Variants in NRXN1 observed in about 807,000 individuals in gnomAD.
NRXN1 encodes the protein neurexin-1.
NRXN1 carries 39 observed loss-of-function variants against 150.9 expected under a neutral mutation model. That is an observed-to-expected ratio of 0.26 (90% CI 0.20 to 0.34). The LOEUF is 0.34. NRXN1 is among the 10% of genes least tolerant of loss of function. NRXN1 has a pLI of 1.00. For synonymous variants in NRXN1, 924 were observed against 757.0 expected, an observed-to-expected ratio of 1.22 and a Z score of -3.62; for missense variants, 1,815 against 1,949.9, an observed-to-expected ratio of 0.93 and a Z score of 1.30.
intron 21 of NRXN1, among the ~76,000 whole-genome samples, chr2:50,027,173 C>G (rs1048381911): frequency 1.3e-5 from 2 of 151,980 alleles, no homozygotes; most frequent in Non-Finnish European, 2.9e-5. Flanking sequence ...TGAGCCACTG[C>G]ACCTGGCCCT....
intron 17 of NRXN1, among the ~76,000 whole-genome samples, chr2:50,302,220 A>G (rs1415895213): frequency 1.3e-5 from 2 of 152,138 alleles, no homozygotes; most frequent in Admixed American, 6.6e-5. Context: ...TTCCCCAAGT[A>G]TCAAGGAATG....
chr2:50,999,555 C>A (rs1420919855), intron 2 of NRXN1, among the ~76,000 whole-genome samples: 1 of 152,000 alleles, frequency 6.6e-6, no homozygotes, highest in Non-Finnish European at 1.5e-5. Context: ...CCCAGGCACC[C>A]AGCTTTAAAA....
At chr2:50,781,423 A>T (rs1449338163) in intron 5 of NRXN1, among the ~76,000 whole-genome samples, 1 of 152,146 alleles carries the variant, frequency 6.6e-6, no homozygotes, top group African/African-American at 2.4e-5. Flanking sequence ...GCAGAAATGC[A>T]AATGACACAT....
At chr2:50,906,245 C>T (rs1249351517) in intron 5 of NRXN1, among the ~76,000 whole-genome samples, 1 of 152,080 alleles carries the variant, frequency 6.6e-6, no homozygotes, top group African/African-American at 2.4e-5. Context: ...TACTTATATC[C>T]ATGTACTAAA....
At chr2:49,925,234 C>T (rs1366711582) in intron 22 of NRXN1, among the ~76,000 whole-genome samples, 1 of 148,658 alleles carries the variant, frequency 6.7e-6, no homozygotes, top group African/African-American at 2.5e-5. Context: ...GAGCTGCGAT[C>T]GCACACTACA....
At chr2:50,574,905 C>A (rs1671167974) in intron 8 of NRXN1, among the ~76,000 whole-genome samples, 1 of 152,154 alleles carries the variant, frequency 6.6e-6, no homozygotes, top group Non-Finnish European at 1.5e-5. Flanking sequence ...TGCTCTGTAT[C>A]GTTTGAGACA....
intron 2 of NRXN1, among the ~76,000 whole-genome samples, chr2:50,952,912 GAAGA>G (rs1282067051): frequency 3.3e-5 from 5 of 152,184 alleles, no homozygotes; most frequent in African/African-American, 1.2e-4. Context: ...CAAGCTGCTA[GAAGA>G]AGTGAATCGT....
At chr2:50,440,773 T>A (rs1040730356) in intron 17 of NRXN1, among the ~76,000 whole-genome samples, 1 of 152,176 alleles carries the variant, frequency 6.6e-6, no homozygotes, top group African/African-American at 2.4e-5. Flanking sequence ...TATTTTTGAT[T>A]TATGAAAAGG....
At chr2:50,503,570 T>TA (rs70948714) in intron 13 of NRXN1, among the ~76,000 whole-genome samples, 1 of 149,548 alleles carries the variant, frequency 6.7e-6, no homozygotes, top group Non-Finnish European at 1.5e-5. Context: ...AAAGAAAAAT[T>TA]AAAAAAAAAA....
chr2:50,545,910 T>C (rs2093482451), intron 9 of NRXN1, among the ~76,000 whole-genome samples: 1 of 152,158 alleles, frequency 6.6e-6, no homozygotes, highest in Non-Finnish European at 1.5e-5. Flanking sequence ...TACTTATATC[T>C]AATACAATGT....
intron 17 of NRXN1, among the ~76,000 whole-genome samples, chr2:50,312,349 A>C (rs114286351): frequency 6.6e-6 from 1 of 152,076 alleles, no homozygotes; most frequent in Non-Finnish European, 1.5e-5. Context: ...AGGGGTTAAA[A>C]AAAGAAAACA....
rs1685504357 is a variant in NRXN1 at position 50,918,313 on chromosome 2, T to C, written c.832+3556A>G. ...CCCCCAAACAAATACATTTAAGTCA[T>C]GAAAATCGCAAATTCAAGATACAAT... On this transcript the variant is annotated intron_variant, in intron 5 of 22. Coordinates refer to ENST00000401669, the MANE Select transcript of NRXN1 (RefSeq NM_001330078.2). The C allele has an allele frequency of 1.8e-5, 4 of 218,510 alleles. No individual in the cohort carries two copies. In the East Asian group the frequency reaches 2.7e-4, roughly 15 times the overall value. 13.5% of individuals were successfully genotyped at this position (218,510 alleles called of 1,614,324 possible).
At chr2:50,928,426 C>T (rs2104363499) in intron 2 of NRXN1, among the ~76,000 whole-genome samples, 1 of 152,024 alleles carries the variant, frequency 6.6e-6, no homozygotes, top group East Asian at 2.0e-4. Context: ...TAATTTAAAA[C>T]TTGTTAACCT....
intron 2 of NRXN1, among the ~76,000 whole-genome samples, chr2:50,966,496 A>G (rs1694108822): frequency 6.6e-6 from 1 of 151,788 alleles, no homozygotes; most frequent in African/African-American, 2.4e-5. Context: ...AAAAGGTTAC[A>G]TCTCTGGAAA....
intron 19 of NRXN1, among the ~76,000 whole-genome samples, chr2:50,076,696 T>C (rs1336629042): frequency 6.6e-6 from 1 of 152,194 alleles, no homozygotes; most frequent in Non-Finnish European, 1.5e-5. Context: ...GTGTGGTATA[T>C]ATTCCTACAG....
At chr2:50,464,789 T>C (rs571946265) in intron 17 of NRXN1, among the ~76,000 whole-genome samples, 5 of 151,944 alleles carry the variant, frequency 3.3e-5, no homozygotes, top group Non-Finnish European at 4.4e-5. Flanking sequence ...CTTCATCTTA[T>C]AGATCAGTTA....
chr2:50,733,280 T>C (rs1404664332), intron 5 of NRXN1, among the ~76,000 whole-genome samples: 2 of 152,186 alleles, frequency 1.3e-5, no homozygotes, highest in Admixed American at 6.5e-5. Context: ...ATTTATTCAC[T>C]GATGAATAGA....
chr2:50,027,015 G>A (rs1247133668), intron 21 of NRXN1, among the ~76,000 whole-genome samples: 3 of 151,406 alleles, frequency 2.0e-5, no homozygotes, highest in Non-Finnish European at 2.9e-5. Context: ...CCAAGTAGCT[G>A]AGACTACAGG....
intron 21 of NRXN1, among the ~76,000 whole-genome samples, chr2:50,035,010 A>G (rs1689808672): frequency 6.6e-6 from 1 of 152,056 alleles, no homozygotes; most frequent in Non-Finnish European, 1.5e-5. Context: ...AAAGTCATAT[A>G]CCTTTCTTAT....
Sources: allele counts gnomAD v4.1 joint callset (sites outside exome capture counted in the v4.1 genomes callset), GRCh38; gene constraint gnomAD v4.1.1; transcripts MANE v1.5; gene names NCBI Gene and HGNC (gene_info 2026-07-23, HGNC 2026-07-21).